MKLN1: variants seen among roughly 807,000 people sequenced by gnomAD.
MKLN1 encodes muskelin 1.
MKLN1 carries 18 observed loss-of-function variants against 99.0 expected under a neutral mutation model. The observed-to-expected ratio is 0.18, with a 90% CI of 0.13 to 0.27. The LOEUF (loss-of-function observed/expected upper bound fraction) is 0.27, where lower values mean the gene tolerates loss of function less well. Ranked by LOEUF, MKLN1 falls within the 10% of genes least tolerant of loss-of-function variation. The pLI, the probability that MKLN1 is intolerant of heterozygous loss-of-function variation, is 1.00. For synonymous variants in MKLN1, 288 were observed against 293.2 expected, an observed-to-expected ratio of 0.98 and a Z score of 0.18; for missense variants, 621 against 875.9, an observed-to-expected ratio of 0.71 and a Z score of 3.67.
Position 131,284,789 on chromosome 7 carries a change from C to T in MKLN1, c.-179+81815C>T, listed in dbSNP as rs371156786. On this transcript the variant is annotated intron_variant, in intron 3 of 7. Transcript: ENST00000416992. Reference sequence around the variant, plus strand: ...TCTGCCAGCCCGCTGGGTGGTGTCACTGTGTGGAGCATTTGTGGCTTTTTC... The same window carrying T: ...TCTGCCAGCCCGCTGGGTGGTGTCATTGTGTGGAGCATTTGTGGCTTTTTC... Among the ~76,000 whole-genome samples the T allele has an allele frequency of 7.9e-5, 12 of 152,284 alleles. No homozygotes were observed. The East Asian group carries it at 1.9e-3, about 24-fold the overall frequency.
chr7:131,143,293 C>A (rs1795765134), intron 2 of MKLN1, among the ~76,000 whole-genome samples: 1 of 140,490 alleles, frequency 7.1e-6, no homozygotes, highest in African/African-American at 2.5e-5. Context: ...ATGGTGAAAC[C>A]CCATCTCTAC....
intron 10 of MKLN1, among the ~76,000 whole-genome samples, chr7:131,439,194 CT>C (rs988372059): frequency 2.8e-4 from 43 of 152,112 alleles, no homozygotes; most frequent in African/African-American, 9.4e-4. Flanking sequence ...TGGTTCTGAT[CT>C]TTTAAAAACA....
At chr7:131,329,863 A>T (rs1250308866) in intron 1 of MKLN1, among the ~76,000 whole-genome samples, 1 of 152,244 alleles carries the variant, frequency 6.6e-6, no homozygotes, top group East Asian at 1.9e-4. Context: ...CAATTTTCTC[A>T]AGTACATACA....
intron 10 of MKLN1, among the ~76,000 whole-genome samples, chr7:131,441,202 T>C (rs1279976779): frequency 3.3e-5 from 5 of 152,186 alleles, no homozygotes; most frequent in Non-Finnish European, 7.4e-5. Flanking sequence ...AGCTCATTGA[T>C]ATTCTCACTG....
At chr7:131,148,478 T>C (rs1458359551) in intron 2 of MKLN1, among the ~76,000 whole-genome samples, 1 of 152,184 alleles carries the variant, frequency 6.6e-6, no homozygotes, top group Non-Finnish European at 1.5e-5. Flanking sequence ...ATTATTGGAT[T>C]GAAAAACCAT....
chr7:131,291,718 G>T (rs1380450276), intron 3 of MKLN1, among the ~76,000 whole-genome samples: 1 of 146,384 alleles, frequency 6.8e-6, no homozygotes, highest in Non-Finnish European at 1.5e-5. Flanking sequence ...GCTCCAGTTG[G>T]ATGACAGCAA....
intron 17 of MKLN1, among the ~76,000 whole-genome samples, chr7:131,483,962 G>A (rs188321065): frequency 1.6e-4 from 25 of 152,176 alleles, no homozygotes; most frequent in African/African-American, 5.5e-4. Flanking sequence ...CTGTATATAC[G>A]CATGCATACA....
Position 131,487,822 on chromosome 7 carries a change from T to C in MKLN1, c.*94T>C. The C allele has an allele frequency of 2.1e-6, 3 of 1,441,144 alleles. No homozygotes were observed. Among genetic ancestry groups the C allele is most frequent in the Middle Eastern group, 1.8e-4 (1 of 5,544 alleles). The allele number at this position is 1,441,144 out of a possible 1,614,324, so 89.3% of individuals were successfully genotyped here. ...CTGACTGACAGTAAAGCTGCAGTGATTGAGGACTGCACCAGAGTTCTGAAG... is the reference window on the plus strand; with the variant it reads ...CTGACTGACAGTAAAGCTGCAGTGACTGAGGACTGCACCAGAGTTCTGAAG... On this transcript the variant is annotated 3_prime_UTR_variant, in exon 18 of 18. Transcript: ENST00000352689. This position sits in a 1 kb window ranked among gnomAD's most constrained non-coding sequence, Gnocchi z 4.7.
chr7:131,190,148 C>T (rs1247394970), intron 2 of MKLN1, among the ~76,000 whole-genome samples: 1 of 152,024 alleles, frequency 6.6e-6, no homozygotes, highest in Non-Finnish European at 1.5e-5. Context: ...AAACGAAAAA[C>T]CTGCCAGCCA....
At chr7:131,259,171 A>T (rs1797698703) in intron 3 of MKLN1, among the ~76,000 whole-genome samples, 1 of 152,078 alleles carries the variant, frequency 6.6e-6, no homozygotes, top group Non-Finnish European at 1.5e-5. Context: ...ATGACCACTC[A>T]TCCTGTGAAC....
chr7:131,452,774 C>T (rs913817654), intron 12 of MKLN1, among the ~76,000 whole-genome samples: 68 of 152,070 alleles, frequency 4.5e-4, no homozygotes, highest in Admixed American at 1.2e-3. Flanking sequence ...TGGTCTTGAT[C>T]TCTTGACCTT....
chr7:131,180,804 G>T (rs1350849804), intron 2 of MKLN1, among the ~76,000 whole-genome samples: 1 of 151,966 alleles, frequency 6.6e-6, no homozygotes, highest in Non-Finnish European at 1.5e-5. Context: ...TTTTGGGAAT[G>T]GTTTGGTTAC....
In MKLN1 at chr7:131,298,701, G is replaced by T. The variant is rs563760786; in HGVS notation, c.-178-76723G>T. 3.3e-5 allele frequency among the ~76,000 whole-genome samples: 5 copies of T among 152,232 alleles called. No individual in the cohort carries two copies. In the South Asian group the frequency reaches 1.0e-3, roughly 32 times the overall value. ...AGTTGTCTGCTGACCTATCTGCCTG[G>T]CTTCCACTCTACTCTTGTACCTAGA... On this transcript the variant is annotated intron_variant, in intron 3 of 7. Coordinates refer to the MKLN1 transcript ENST00000416992.
intron 1 of MKLN1, among the ~76,000 whole-genome samples, chr7:131,352,790 A>C (rs750343923): frequency 6.6e-6 from 1 of 152,114 alleles, no homozygotes; most frequent in Non-Finnish European, 1.5e-5. Context: ...AACTTGATAC[A>C]CAGGTTCATT....
At chr7:131,325,312 T>C (rs1798862365), upstream of MKLN1, among the ~76,000 whole-genome samples, 1 of 151,890 alleles carries the variant, frequency 6.6e-6, no homozygotes, top group Admixed American at 6.6e-5. Context: ...AAGAGAAATG[T>C]AAAAAATGTT....
In MKLN1 at chr7:131,445,880, G is replaced by A; in HGVS notation, c.1502G>A (p.Gly501Asp). ...GATCATGTAGACATAATATCAGATGGCACCAAGAAAGACTCTGGGATGGGT... is the reference window on the plus strand; with the variant it reads ...GATCATGTAGACATAATATCAGATGACACCAAGAAAGACTCTGGGATGGGT... ...DSDHVDIISD[G>D]TKKDSGMVPM... Residue 501 changes from glycine to aspartate, a missense_variant, in exon 12 of 18, where the codon GGC (glycine) becomes GAC (aspartate). Coordinates refer to ENST00000352689, the MANE Select transcript of MKLN1 (RefSeq NM_013255.5). The A allele has an allele frequency of 6.3e-7, 1 of 1,599,744 alleles. No individual in the cohort carries two copies. The highest frequency in any genetic ancestry group is 8.5e-7 in the Non-Finnish European group (1 of 1,171,172).
chr7:131,372,175 A>G (rs1167433313), intron 1 of MKLN1, among the ~76,000 whole-genome samples: 1 of 152,060 alleles, frequency 6.6e-6, no homozygotes, highest in African/African-American at 2.4e-5. Context: ...CCAATGTATC[A>G]TAGTTATAAT....
chr7:131,375,783 C>G (rs1031597099), intron 2 of MKLN1, among the ~76,000 whole-genome samples: 127 of 151,616 alleles, frequency 8.4e-4, no homozygotes, highest in Non-Finnish European at 1.0e-3. Flanking sequence ...AAATTGAACT[C>G]TGACTCAATG....
At chr7:131,131,637 T>A (rs1186306907) in intron 1 of MKLN1, among the ~76,000 whole-genome samples, 1 of 152,216 alleles carries the variant, frequency 6.6e-6, no homozygotes, top group Admixed American at 6.5e-5. Flanking sequence ...TCAGATTCGG[T>A]CACAGAAAGT....
Sources: allele counts gnomAD v4.1 joint callset (sites outside exome capture counted in the v4.1 genomes callset), GRCh38; gene constraint gnomAD v4.1.1; non-coding constraint Gnocchi (gnomAD v3.1); transcripts MANE v1.5; gene names NCBI Gene and HGNC (gene_info 2026-07-23, HGNC 2026-07-21).